The following SAMMSON variants were observed in gnomAD, a reference collection of about 807,000 sequenced individuals.
The protein encoded by SAMMSON is survival associated mitochondrial melanoma specific oncogenic non-coding RNA, also known as long intergenic non-protein coding RNA 1212.
chr3:70,008,281 T>C (rs1010913286), intron 1 of SAMMSON, among the ~76,000 whole-genome samples: 1 of 152,220 alleles, frequency 6.6e-6, no homozygotes, highest in Non-Finnish European at 1.5e-5. Context: ...CCCATGAGCA[T>C]GGAATGTTCG....
At chr3:70,146,497 G>C (rs974864733) in intron 4 of SAMMSON, among the ~76,000 whole-genome samples, 1 of 151,806 alleles carries the variant, frequency 6.6e-6, no homozygotes, top group Non-Finnish European at 1.5e-5. Flanking sequence ...GTACTGCAAG[G>C]CTGGTTCAAT....
intron 4 of SAMMSON, among the ~76,000 whole-genome samples, chr3:70,097,524 C>A (rs2067327130): frequency 1.3e-5 from 2 of 152,166 alleles, no homozygotes; most frequent in South Asian, 2.1e-4. Context: ...TCAGCCCAAA[C>A]CCTAGTTTAT....
chr3:70,318,880 A>G (rs188354126), intron 7 of SAMMSON, among the ~76,000 whole-genome samples: 98 of 152,098 alleles, frequency 6.4e-4, no homozygotes, highest in African/African-American at 2.3e-3. Context: ...CTTAGGATGT[A>G]GTTCATGCTT....
intron 7 of SAMMSON, among the ~76,000 whole-genome samples, chr3:70,351,493 G>A (rs572827718): frequency 1.3e-5 from 2 of 152,118 alleles, no homozygotes; most frequent in South Asian, 4.2e-4. Context: ...TATTCCTCTT[G>A]CTAAGTACAG....
chr3:70,022,671 C>G (rs2067020653), intron 3 of SAMMSON, among the ~76,000 whole-genome samples: 1 of 152,236 alleles, frequency 6.6e-6, no homozygotes, highest in East Asian at 1.9e-4. Flanking sequence ...TAGCATCTTA[C>G]CATTTCACCA....
intron 7 of SAMMSON, among the ~76,000 whole-genome samples, chr3:70,341,166 A>G (rs1702708101): frequency 6.6e-6 from 1 of 151,990 alleles, no homozygotes; most frequent in African/African-American, 2.4e-5. Context: ...TCTTGATGGA[A>G]TAAGTGGGGA....
Position 70,366,474 on chromosome 3 carries a change from T to C in SAMMSON, n.913+8150T>C, listed in dbSNP as rs188328199. Among the ~76,000 whole-genome samples, 34 of 148,062 alleles carry C rather than the reference T, an allele frequency of 2.3e-4. No homozygotes were observed. In the East Asian group the frequency reaches 6.1e-3, roughly 26 times the overall value. Reference sequence around the variant, plus strand: ...CTTCCATGTCTGTTTTTTTGTTTTGTTTCGTTTGTGTTTTTATGTTTTTTT... The same window carrying C: ...CTTCCATGTCTGTTTTTTTGTTTTGCTTCGTTTGTGTTTTTATGTTTTTTT... On this transcript the variant is annotated intron_variant and non_coding_transcript_variant, in intron 9 of 9. Coordinates refer to ENST00000642114, the Ensembl canonical transcript of SAMMSON.
chr3:70,207,248 C>A (rs182208277), intron 4 of SAMMSON, among the ~76,000 whole-genome samples: 38 of 152,030 alleles, frequency 2.5e-4, no homozygotes, highest in African/African-American at 7.0e-4. Flanking sequence ...CCTCATTTTC[C>A]TCCTCTGTAA....
intron 4 of SAMMSON, among the ~76,000 whole-genome samples, chr3:70,135,515 G>GA (rs1164792087): frequency 1.3e-5 from 2 of 151,942 alleles, no homozygotes; most frequent in Non-Finnish European, 2.9e-5. Flanking sequence ...ATGCAAGCCG[G>GA]AAAAAAACAG....
At chr3:70,127,819 T>C (rs779371102) in intron 4 of SAMMSON, 4 of 152,136 alleles carry the variant, frequency 2.6e-5, no homozygotes, top group Non-Finnish European at 4.4e-5. Flanking sequence ...TTTTTGTATA[T>C]TTAGTAGAGA....
At chr3:70,397,340 C>T (rs1701100837) in intron 2 of SAMMSON, among the ~76,000 whole-genome samples, 1 of 152,024 alleles carries the variant, frequency 6.6e-6, no homozygotes. Flanking sequence ...GGTCTCACTT[C>T]ATCACCCAGG....
At chr3:70,313,615 G>A (rs1467318299) in intron 7 of SAMMSON, among the ~76,000 whole-genome samples, 1 of 152,056 alleles carries the variant, frequency 6.6e-6, no homozygotes, top group African/African-American at 2.4e-5. Context: ...TTCTCATCAA[G>A]GAAAATAATA....
chr3:70,174,014 G>T (rs1480751104), intron 4 of SAMMSON, among the ~76,000 whole-genome samples: 1 of 151,934 alleles, frequency 6.6e-6, no homozygotes, highest in African/African-American at 2.4e-5. Flanking sequence ...CCCCAGGAAA[G>T]TTGCTCAAGT....
intron 4 of SAMMSON, among the ~76,000 whole-genome samples, chr3:70,196,521 A>G (rs147437848): frequency 2.0e-5 from 3 of 152,342 alleles, no homozygotes; most frequent in African/African-American, 7.2e-5. Context: ...TAGAAAGACG[A>G]GCTAATGTAT....
downstream of SAMMSON, among the ~76,000 whole-genome samples, chr3:70,394,023 G>A (rs1701071283): frequency 6.6e-6 from 1 of 152,148 alleles, no homozygotes; most frequent in Admixed American, 6.6e-5. Context: ...CCCAGGTGAA[G>A]GGTAGTAGTG....
intron 7 of SAMMSON, among the ~76,000 whole-genome samples, chr3:70,316,656 C>G (rs1425490989): frequency 1.3e-5 from 2 of 151,954 alleles, no homozygotes; most frequent in East Asian, 3.9e-4. Context: ...TATAAATCAA[C>G]ACTAGTCTAA....
intron 4 of SAMMSON, among the ~76,000 whole-genome samples, chr3:70,143,939 T>C (rs1050965698): frequency 6.6e-6 from 1 of 152,164 alleles, no homozygotes; most frequent in Non-Finnish European, 1.5e-5. Flanking sequence ...TAGACCTTTA[T>C]AAGTACATAA....
intron 4 of SAMMSON, among the ~76,000 whole-genome samples, chr3:70,220,349 T>G (rs1701451599): frequency 6.6e-6 from 1 of 152,006 alleles, no homozygotes; most frequent in Non-Finnish European, 1.5e-5. Context: ...GAGGATAACT[T>G]GGCTCCAGGA....
chr3:70,397,606 C>A (rs1173800089), intron 2 of SAMMSON, among the ~76,000 whole-genome samples: 2 of 152,056 alleles, frequency 1.3e-5, no homozygotes, highest in Non-Finnish European at 2.9e-5. Context: ...TTCGGATTAA[C>A]AATATGTGTA....
Sources: gnomAD v4.1 joint callset for allele counts (sites outside exome capture counted in the v4.1 genomes callset) on GRCh38, gnomAD v4.1.1 for gene constraint, MANE v1.5 for transcripts, NCBI Gene and HGNC (gene_info 2026-07-23, HGNC 2026-07-21) for gene names.